VSTM2A: variants seen among roughly 807,000 people sequenced by gnomAD.
The protein encoded by VSTM2A is V-set and transmembrane domain-containing protein 2A.
In VSTM2A, 13 loss-of-function variants were observed where a neutral mutation model predicts 27.3. The observed-to-expected ratio is 0.48, with a 90% confidence interval of 0.31 to 0.76. The LOEUF (loss-of-function observed/expected upper bound fraction) is 0.76. VSTM2A is among the 30% of genes least tolerant of loss of function. The pLI is 0.05. For missense variants in VSTM2A, 280 were observed against 310.0 expected (o/e 0.90, Z 0.73); for synonymous variants, 142 against 125.7 (o/e 1.13, Z -0.87).
chr7:54,552,773 G>A (rs543329902), intron 4 of VSTM2A, among the ~76,000 whole-genome samples: 54 of 152,336 alleles, frequency 3.5e-4, no homozygotes, highest in African/African-American at 1.3e-3. Flanking sequence ...GAAGCCAATA[G>A]CTATATTGTA....
chr7:54,561,840 T>C (rs4947915), intron 4 of VSTM2A, among the ~76,000 whole-genome samples: 11,740 of 152,226 alleles, frequency 0.077, 1,260 homozygotes, highest in African/African-American at 0.24. Context: ...CTTTTGTAGG[T>C]CCTATTGACA....
chr7:54,561,249 G>A (rs1320052056), intron 4 of VSTM2A, among the ~76,000 whole-genome samples: 1 of 152,192 alleles, frequency 6.6e-6, no homozygotes, highest in Non-Finnish European at 1.5e-5. Context: ...CTAGCATTGT[G>A]TTTAGCATGT....
Position 54,544,791 on chromosome 7 carries a change from A to C in VSTM2A, c.246+3A>C. ...GGGCCGAGGGGGCCGGCGCGCAGGT[A>C]GCGGAGCCCGCCGACCCCGCGTCTC... On this transcript the variant is annotated splice_donor_region_variant and intron_variant, in intron 2 of 4. Coordinates refer to ENST00000402613, the MANE Select transcript of VSTM2A (RefSeq NM_001301009.2). 6.3e-7 allele frequency: 1 copy of C among 1,597,596 alleles called. No homozygotes were observed. Among genetic ancestry groups the C allele is most frequent in the Non-Finnish European group, 8.5e-7 (1 of 1,172,448 alleles).
In VSTM2A at chr7:54,549,942, G is replaced by A; in HGVS notation, c.406G>A (p.Glu136Lys). 6.2e-7 allele frequency: 1 copy of A among 1,613,774 alleles called. No individual in the cohort carries two copies. The highest frequency in any genetic ancestry group is 8.5e-7 in the Non-Finnish European group (1 of 1,179,808). ...ECRVTDANYG[E>K]LQEHKAQAYL... ...CAGGGTGACTGATGCCAACTACGGG[G>A]AGCTTCAGGAACACAAGGCCCAGGC... The change falls in exon 4 of 5, where the codon GAG (glutamate) becomes AAG (lysine). Residue 136 changes from glutamate to lysine, a missense_variant. Coordinates refer to ENST00000402613, the MANE Select transcript of VSTM2A (RefSeq NM_001301009.2).
At chr7:54,553,985 C>T (rs1247056349) in intron 4 of VSTM2A, 3 of 1,553,162 alleles carry the variant, frequency 1.9e-6, no homozygotes, top group Non-Finnish European at 2.6e-6. Context: ...CAACGTCACA[C>T]AGAACTGTGA....
chr7:54,544,699 G>A lies in VSTM2A; in HGVS notation c.157G>A (p.Gly53Ser). Residue 53 changes from glycine (G) to serine (S), a missense_variant, in exon 2 of 5, where the codon GGC becomes AGC. Gly to Ser is a moderately conservative substitution (Grantham distance 56). Transcript: ENST00000402613. ...NVEMSCAFQS[G>S]SASVYLEIQW... ...GGAGATGTCCTGCGCCTTCCAGAGC[G>A]GCTCCGCCTCGGTGTATCTGGAGAT... is the stretch of plus-strand genomic sequence containing the variant. 6.2e-7 allele frequency: 1 copy of A among 1,612,850 alleles called. No individual in the cohort carries two copies. The highest frequency in any genetic ancestry group is 8.5e-7 in the Non-Finnish European group (1 of 1,179,852).
intron 3 of VSTM2A, among the ~76,000 whole-genome samples, chr7:54,547,877 A>G (rs566983944): frequency 2.0e-5 from 3 of 152,332 alleles, no homozygotes; most frequent in Admixed American, 2.0e-4. Context: ...ATAACTAAAA[A>G]TGTACAAATA....
intron 4 of VSTM2A, among the ~76,000 whole-genome samples, chr7:54,553,063 T>C (rs1788241345): frequency 6.6e-6 from 1 of 152,202 alleles, no homozygotes; most frequent in Non-Finnish European, 1.5e-5. Context: ...TTAACCAGTT[T>C]TTCTAGAGCA....
intron 4 of VSTM2A, among the ~76,000 whole-genome samples, chr7:54,566,697 A>G (rs971449755): frequency 6.6e-6 from 1 of 152,242 alleles, no homozygotes; most frequent in Admixed American, 6.5e-5. Context: ...GAATAAAACA[A>G]TTCTACACAG....
chr7:54,553,965 C>G, intron 4 of VSTM2A: 1 of 1,552,570 alleles, frequency 6.4e-7, no homozygotes, highest in Non-Finnish European at 8.7e-7. Context: ...TGACCCCCTT[C>G]CCACCTTCCC....
intron 4 of VSTM2A, among the ~76,000 whole-genome samples, chr7:54,553,205 A>T (rs778960225): frequency 2.6e-5 from 4 of 152,244 alleles, no homozygotes; most frequent in Non-Finnish European, 5.9e-5. Flanking sequence ...GTTTTTGAGC[A>T]TGTGACTTTC....
chr7:54,557,652 A>G (rs753604196), intron 4 of VSTM2A, among the ~76,000 whole-genome samples: 2 of 152,144 alleles, frequency 1.3e-5, no homozygotes, highest in Non-Finnish European at 2.9e-5. Context: ...CATTCCTTAA[A>G]TGAGAACTAT....
intron 2 of VSTM2A, 133 bp from the exon 3 acceptor site, chr7:54,546,814 C>A: frequency 1.7e-6 from 2 of 1,192,856 alleles, no homozygotes; most frequent in Non-Finnish European, 2.3e-6. Flanking sequence ...CAGGGGTGGC[C>A]ACGCCCCTGG....
chr7:54,554,567 A>G (rs1224659593), intron 4 of VSTM2A, among the ~76,000 whole-genome samples: 2 of 152,198 alleles, frequency 1.3e-5, no homozygotes, highest in South Asian at 2.1e-4. Flanking sequence ...TCCCCTGAGC[A>G]TAGGCTGGCC....
chr7:54,547,337 A>G (rs1360149641), intron 3 of VSTM2A, among the ~76,000 whole-genome samples: 1 of 152,242 alleles, frequency 6.6e-6, no homozygotes, highest in African/African-American at 2.4e-5. Flanking sequence ...ATTTTAGTAG[A>G]AAGTAAAACA....
chr7:54,557,490 C>T (rs527572821), intron 4 of VSTM2A, among the ~76,000 whole-genome samples: 2 of 151,992 alleles, frequency 1.3e-5, no homozygotes, highest in South Asian at 4.2e-4. Flanking sequence ...CGCACCACCA[C>T]GCCCGGCTAA....
chr7:54,567,963 T>C (rs1313900759), intron 4 of VSTM2A, among the ~76,000 whole-genome samples: 1 of 152,172 alleles, frequency 6.6e-6, no homozygotes, highest in African/African-American at 2.4e-5. Flanking sequence ...GTCACCCAGC[T>C]TGAATAGAGG....
In VSTM2A at chr7:54,569,181, C is replaced by G. The variant is rs1584073092; in HGVS notation, c.685C>G (p.Leu229Val). ...TACGGAGCGGACAGCAAAGTTGACCCTAAACTCCAAGCACCACCCTGCACC... is the reference window on the plus strand; with the variant it reads ...TACGGAGCGGACAGCAAAGTTGACCGTAAACTCCAAGCACCACCCTGCACC... ...KSTERTAKLT[L>V]NSKHHPAPTV... The change falls in exon 5 of 5, where the codon CTA becomes GTA. Residue 229 changes from leucine to valine, a missense_variant. By Grantham distance (32) the Leu-to-Val change is conservative (BLOSUM62 1). Coordinates refer to ENST00000402613, the MANE Select transcript of VSTM2A (RefSeq NM_001301009.2). 2 of 1,551,840 alleles carry G rather than the reference C, an allele frequency of 1.3e-6. No homozygotes were observed. The highest frequency in any genetic ancestry group is 1.7e-6 in the Non-Finnish European group (2 of 1,147,046).
At chr7:54,546,826 C>T (rs1330814760) in intron 2 of VSTM2A, 121 bp from the exon 3 acceptor site, 1 of 1,359,206 alleles carries the variant, frequency 7.4e-7, no homozygotes, top group East Asian at 2.6e-5. Context: ...CGCCCCTGGT[C>T]GCTCCCCTGT....
Sources: allele counts gnomAD v4.1 joint callset (sites outside exome capture counted in the v4.1 genomes callset), GRCh38; gene constraint gnomAD v4.1.1; transcripts MANE v1.5; gene names NCBI Gene and HGNC (gene_info 2026-07-23, HGNC 2026-07-21).